The following DEGS2 variants were observed in gnomAD, a reference collection of about 807,000 sequenced individuals.
DEGS2 encodes the protein sphingolipid delta(4)-desaturase/C4-monooxygenase DES2.
A neutral mutation model predicts 23.8 loss-of-function variants in DEGS2; 19 were observed. That is an observed-to-expected ratio of 0.80 (90% confidence interval 0.56 to 1.17). The LOEUF is 1.17. DEGS2 is among the 50% of genes most tolerant of loss of function. The probability of loss-of-function intolerance (pLI) is 0.00; values close to 1 mark genes in which losing one functional copy is unlikely to be tolerated. For synonymous variants in DEGS2, 218 were observed against 213.7 expected, an observed-to-expected ratio of 1.02 and a Z score of -0.18; for missense variants, 390 against 459.5, an observed-to-expected ratio of 0.85 and a Z score of 1.38.
chr14:100,148,872 C>T, intron 2 of DEGS2, 96 bp downstream of exon 2: 1 of 1,391,312 alleles, frequency 7.2e-7, no homozygotes, highest in Non-Finnish European at 9.7e-7. Flanking sequence ...AAGGGAGAGG[C>T]TGCTGGGCAT....
In DEGS2 at chr14:100,149,642, C is replaced by A. The variant is rs1889530521; in HGVS notation, c.151G>T (p.Val51Leu). The A allele has an allele frequency of 6.2e-7, 1 of 1,611,958 alleles. No individual in the cohort carries two copies. The highest frequency in any genetic ancestry group is 2.2e-5 in the East Asian group (1 of 44,864). ...PRLKWAVLVLVLVQMLACWLV... is the reference protein window; with the variant it reads ...PRLKWAVLVLLLVQMLACWLV... Reference sequence around the variant, plus strand: ...CAGCAGGCCAGCATCTGCACCAGCACCAGCACCAGCACCGCCCACTTGAGG... The same window carrying A: ...CAGCAGGCCAGCATCTGCACCAGCAACAGCACCAGCACCGCCCACTTGAGG... Residue 51 changes from valine to leucine, a missense_variant, in exon 2 of 3, where the codon GTG becomes TTG. By Grantham distance (32) the Val-to-Leu change is conservative. Transcript: ENST00000305631.
chr14:100,149,576 C>G lies in DEGS2; in HGVS notation c.217G>C (p.Ala73Pro). 6.2e-7 allele frequency: 1 copy of G among 1,608,756 alleles called. No homozygotes were observed. The highest frequency in any genetic ancestry group is 1.3e-5 in the African/African-American group (1 of 75,006). Reference protein sequence around the residue: ...GLAWRWLLFWAYAFGGCVNHS... With the variant: ...GLAWRWLLFWPYAFGGCVNHS... ...TTCACGCAGCCACCAAAGGCGTAGG[C>G]CCAGAACAGCAGCCAGCGCCAGGCC... The change falls in exon 2 of 3, where the codon GCC becomes CCC. Residue 73 changes from alanine to proline, a missense_variant. Ala to Pro is a conservative substitution (Grantham distance 27, BLOSUM62 -1). Transcript: ENST00000305631.
intron 2 of DEGS2, among the ~76,000 whole-genome samples, chr14:100,147,737 C>T (rs1300386752): frequency 1.3e-5 from 2 of 149,988 alleles, no homozygotes. Flanking sequence ...CGCAGGGAGC[C>T]TGGCCGCAAA....
chr14:100,146,963 A>C, intron 2 of DEGS2, 56 bp from the exon 3 acceptor site: 1 of 1,578,374 alleles, frequency 6.3e-7, no homozygotes, highest in Non-Finnish European at 8.6e-7. Context: ...CGCACCCGCG[A>C]GCACACACGC....
At chr14:100,150,024 G>A (rs943839006) in intron 1 of DEGS2, among the ~76,000 whole-genome samples, 9 of 152,220 alleles carry the variant, frequency 5.9e-5, no homozygotes, top group Non-Finnish European at 8.8e-5. Flanking sequence ...CTGGGCCAGC[G>A]AAGACGATTC....
At chr14:100,149,792 G>A in intron 1 of DEGS2, 82 bp from the exon 2 acceptor site, 1 of 1,425,450 alleles carries the variant, frequency 7.0e-7, no homozygotes, top group Non-Finnish European at 9.5e-7. Context: ...CAGTGGCCGA[G>A]GGGTGAGAAG....
rs200031641 is a variant in DEGS2, at chr14:100,149,433, G to A, written c.360C>T (p.Tyr120=). 59 of 1,599,340 alleles carry A rather than the reference G, an allele frequency of 3.7e-5. No individual in the cohort carries two copies. Among genetic ancestry groups the A allele is most frequent in the African/African-American group, 2.7e-4 (20 of 74,864 alleles). ...CGTGGTACTTCTTGAAGGAGGCGGCGTAGGGCACACCCACGGGCAGGTTGG... is the reference window on the plus strand; with the variant it reads ...CGTGGTACTTCTTGAAGGAGGCGGCATAGGGCACACCCACGGGCAGGTTGG... ...VFANLPVGVP[Y]AASFKKYHVD... is the part of the protein sequence containing the mutation. The change falls in exon 2 of 3, where the codon TAC becomes TAT. Residue 120 remains tyrosine (Y), a synonymous_variant. Coordinates refer to ENST00000305631, the MANE Select transcript of DEGS2 (RefSeq NM_206918.3).
chr14:100,157,501 G>C (rs570264419), intron 1 of DEGS2, among the ~76,000 whole-genome samples: 2 of 152,200 alleles, frequency 1.3e-5, no homozygotes, highest in African/African-American at 2.4e-5. Context: ...CTGTTCACAT[G>C]ATGAGCAGGG....
upstream of DEGS2, among the ~76,000 whole-genome samples, chr14:100,161,580 AG>A: frequency 6.6e-6 from 1 of 152,200 alleles, no homozygotes; most frequent in Non-Finnish European, 1.5e-5. Flanking sequence ...GAGCAGAAAA[AG>A]GACATTAGGT....
rs371549225 is a variant in DEGS2, at chr14:100,159,630, C to G, written c.-43G>C. The G allele has an allele frequency of 7.6e-7, 1 of 1,308,476 alleles. No homozygotes were observed. The highest frequency in any genetic ancestry group is 1.0e-6 in the Non-Finnish European group (1 of 1,002,668). 81.1% of individuals were successfully genotyped at this position (1,308,476 alleles called of 1,614,324 possible). A position where few individuals can be genotyped will look rare whatever the true frequency, so the allele number is the denominator to read the frequency against. On this transcript the variant is annotated 5_prime_UTR_variant, in exon 1 of 3. Coordinates refer to ENST00000305631, the MANE Select transcript of DEGS2 (RefSeq NM_206918.3). ...CGTTCGGAGCGCGGCCGGCTCGGCT[C>G]TGCTGCACCTGTCGCGGCGGCCGCG... is the stretch of plus-strand genomic sequence containing the variant.
chr14:100,144,323 C>T lies in DEGS2; in HGVS notation c.*2438G>A, dbSNP rs938750952. ...GAGAAGGGCCCGGGACCACGGTGAC[C>T]AGGAGTCGTAGGAGCAAGATGGCGG... On this transcript the variant is annotated 3_prime_UTR_variant, in exon 3 of 3. Coordinates refer to ENST00000305631, the MANE Select transcript of DEGS2 (RefSeq NM_206918.3). 1.3e-5 allele frequency: 2 copies of T among 151,994 alleles called. No homozygotes were observed. Among genetic ancestry groups the T allele is most frequent in the African/African-American group, 2.4e-5 (1 of 40,884 alleles). The allele number at this position is 151,994 out of a possible 1,614,324, so 9.4% of individuals were successfully genotyped here.
upstream of DEGS2, among the ~76,000 whole-genome samples, chr14:100,162,037 G>T (rs34897451): frequency 0.23 from 34,555 of 149,318 alleles, 5,043 homozygotes; most frequent in South Asian, 0.4. Context: ...GGGCGACAGA[G>T]CGAGACTGCA....
At chr14:100,160,350 T>C (rs190384437), upstream of DEGS2, among the ~76,000 whole-genome samples, 47 of 152,242 alleles carry the variant, frequency 3.1e-4, no homozygotes, top group East Asian at 7.1e-3. Flanking sequence ...TAGGATCCAA[T>C]AGAAGGAACT....
chr14:100,150,324 C>A (rs1046457107), intron 1 of DEGS2, among the ~76,000 whole-genome samples: 1 of 152,124 alleles, frequency 6.6e-6, no homozygotes, highest in African/African-American at 2.4e-5. Flanking sequence ...GACGCCCCTG[C>A]CCCCAGGGCA....
upstream of DEGS2, chr14:100,159,739 T>G: frequency 7.1e-5 from 10 of 141,266 alleles, no homozygotes; most frequent in East Asian, 5.0e-4. Flanking sequence ...GGGGCACCTC[T>G]GGCTGGGCGG....
At chr14:100,156,239 T>C (rs1423333974) in intron 1 of DEGS2, among the ~76,000 whole-genome samples, 1 of 152,240 alleles carries the variant, frequency 6.6e-6, no homozygotes, top group African/African-American at 2.4e-5. Flanking sequence ...GGCCTGTGTG[T>C]TCCCCGGCAA....
chr14:100,156,083 G>A (rs1163497347), intron 1 of DEGS2, among the ~76,000 whole-genome samples: 1 of 152,236 alleles, frequency 6.6e-6, no homozygotes, highest in Non-Finnish European at 1.5e-5. Flanking sequence ...AACCCACAGA[G>A]CTCCTGGAGC....
Position 100,149,591 on chromosome 14 carries a change from A to G in DEGS2, c.202T>C (p.Trp68Arg), listed in dbSNP as rs1483925341. 6.2e-7 allele frequency: 1 copy of G among 1,609,948 alleles called. No homozygotes were observed. The highest frequency in any genetic ancestry group is 1.1e-5 in the South Asian group (1 of 90,892). The change falls in exon 2 of 3, where the codon TGG (tryptophan) becomes CGG (arginine). Residue 68 changes from tryptophan (W) to arginine (R), a missense_variant. Transcript: ENST00000305631. ...AAGGCGTAGGCCCAGAACAGCAGCCAGCGCCAGGCCAGCCCGCGCACCAGC... is the reference window on the plus strand; with the variant it reads ...AAGGCGTAGGCCCAGAACAGCAGCCGGCGCCAGGCCAGCCCGCGCACCAGC... ...CWLVRGLAWR[W>R]LLFWAYAFGG... is the part of the protein sequence containing the mutation.
intron 1 of DEGS2, among the ~76,000 whole-genome samples, chr14:100,152,308 C>A (rs1889585515): frequency 6.6e-6 from 1 of 150,968 alleles, no homozygotes; most frequent in Non-Finnish European, 1.5e-5. Context: ...CATGGAGATG[C>A]CAGGGTGGGC....
Sources: allele counts gnomAD v4.1 joint callset (sites outside exome capture counted in the v4.1 genomes callset), GRCh38; gene constraint gnomAD v4.1.1; transcripts MANE v1.5; gene names NCBI Gene and HGNC (gene_info 2026-07-23, HGNC 2026-07-21).